The following VWA8 variants were observed in gnomAD, a reference collection of about 807,000 sequenced individuals.
VWA8 encodes the protein von Willebrand factor A domain containing 8.
VWA8 carries 221 observed loss-of-function variants against 241.5 expected under a neutral mutation model. The observed-to-expected ratio is 0.91, with a 90% confidence interval of 0.82 to 1.02. The LOEUF (loss-of-function observed/expected upper bound fraction) is 1.02, where lower values mean the gene tolerates loss of function less well. Among genes scored for constraint, VWA8 ranks in the 50% least tolerant of loss-of-function variants. The pLI is 0.00. For missense variants in VWA8, 2,322 were observed against 2,328.7 expected (o/e 1.00, Z 0.06); for synonymous variants, 852 against 827.1 (o/e 1.03, Z -0.52).
At chr13:41,710,043 A>G (rs1366029323) in intron 26 of VWA8, among the ~76,000 whole-genome samples, 1 of 152,004 alleles carries the variant, frequency 6.6e-6, no homozygotes, top group Non-Finnish European at 1.5e-5. Flanking sequence ...CATACTCCCT[A>G]TATGTTGTTT....
chr13:41,679,519 A>T (rs1487078585), intron 35 of VWA8, among the ~76,000 whole-genome samples: 1 of 152,186 alleles, frequency 6.6e-6, no homozygotes, highest in East Asian at 1.9e-4. Flanking sequence ...ATCAAGAATC[A>T]TTATTTTGTG....
intron 14 of VWA8, 104 bp from the exon 15 acceptor site, chr13:41,819,490 T>A: frequency 1.7e-6 from 2 of 1,170,058 alleles, no homozygotes; most frequent in Non-Finnish European, 2.4e-6. Context: ...ATACTGTTAA[T>A]AATGTCAATG....
At chr13:41,725,535 T>C (rs1424621868) in intron 24 of VWA8, among the ~76,000 whole-genome samples, 1 of 152,174 alleles carries the variant, frequency 6.6e-6, no homozygotes, top group African/African-American at 2.4e-5. Flanking sequence ...ATGTGTATAC[T>C]GCAATCACTC....
chr13:41,822,407 C>G (rs1870998698), intron 14 of VWA8, among the ~76,000 whole-genome samples: 1 of 152,102 alleles, frequency 6.6e-6, no homozygotes, highest in East Asian at 1.9e-4. Flanking sequence ...GTACACAGAC[C>G]ATATTTCCCC....
At chr13:41,618,485 C>A (rs909531060) in intron 37 of VWA8, among the ~76,000 whole-genome samples, 4 of 152,136 alleles carry the variant, frequency 2.6e-5, no homozygotes, top group African/African-American at 9.7e-5. Flanking sequence ...TTATTTAGAT[C>A]CCATTTGTCT....
At chr13:41,728,412 T>G (rs1181843721) in intron 23 of VWA8, among the ~76,000 whole-genome samples, 1 of 152,042 alleles carries the variant, frequency 6.6e-6, no homozygotes, top group African/African-American at 2.4e-5. Flanking sequence ...CTGCAAGTGC[T>G]CTTGTTCAAA....
intron 37 of VWA8, among the ~76,000 whole-genome samples, chr13:41,650,242 G>A (rs915346370): frequency 2.6e-5 from 4 of 152,074 alleles, no homozygotes; most frequent in African/African-American, 9.7e-5. Context: ...TCTCATTTGG[G>A]TTTTACAACA....
intron 9 of VWA8, among the ~76,000 whole-genome samples, chr13:41,877,111 G>C (rs780719836): frequency 1.3e-5 from 2 of 151,886 alleles, no homozygotes; most frequent in Non-Finnish European, 2.9e-5. Context: ...AATTCAAAAG[G>C]GTTCTAGTAT....
chr13:41,888,356 G>C (rs7336324), intron 5 of VWA8, among the ~76,000 whole-genome samples: 34,965 of 152,046 alleles, frequency 0.23, 4,066 homozygotes, highest in East Asian at 0.29. Flanking sequence ...TGACAATATA[G>C]AAACTCTTAA....
At chr13:41,723,994 A>C (rs1231015154) in intron 24 of VWA8, among the ~76,000 whole-genome samples, 3 of 152,226 alleles carry the variant, frequency 2.0e-5, no homozygotes, top group Non-Finnish European at 4.4e-5. Flanking sequence ...ATAGTTATTA[A>C]GGTAAGAAAC....
At position 41,653,102 on chromosome 13, in the gene VWA8, C is replaced by T. The variant is rs530799751; in HGVS notation, c.4611+17844G>A. Among the ~76,000 whole-genome samples, 52 of 152,288 alleles carry T rather than the reference C, an allele frequency of 3.4e-4. 1 individual carries two copies. The South Asian group carries it at 0.011, about 31-fold the overall frequency. ...TCACTATAATTACATTATTTTAGGTCCTAGCCATTGCACAGAGCAAAGATT... is the reference window on the plus strand; with the variant it reads ...TCACTATAATTACATTATTTTAGGTTCTAGCCATTGCACAGAGCAAAGATT... On this transcript the variant is annotated intron_variant, in intron 37 of 44. Coordinates refer to ENST00000379310, the MANE Select transcript of VWA8 (RefSeq NM_015058.2).
intron 37 of VWA8, among the ~76,000 whole-genome samples, chr13:41,618,421 G>A (rs1429692229): frequency 6.6e-6 from 1 of 152,178 alleles, no homozygotes; most frequent in African/African-American, 2.4e-5. Flanking sequence ...CCATTCTGTA[G>A]GTTGCCTGTT....
chr13:41,580,755 G>GTTTTTTGCACTT (rs2044377093), intron 42 of VWA8, among the ~76,000 whole-genome samples: 1 of 152,236 alleles, frequency 6.6e-6, no homozygotes, highest in Non-Finnish European at 1.5e-5. Flanking sequence ...GCTTTGCACT[G>GTTTTTTGCACTT]TAACGGTGTG....
rs115319251 is a variant in VWA8, at chr13:41,804,469, C to T, written c.2063+6756G>A. On this transcript the variant is annotated intron_variant, in intron 17 of 44. Transcript: ENST00000379310. ...ACTTTCCCAGACAAACAAAAGTGGA[C>T]GGATTTAATAAATGTCACACTTGTC... Among the ~76,000 whole-genome samples the T allele has an allele frequency of 3.8e-3, 570 of 149,580 alleles. 2 individuals are homozygous for T. The highest frequency in any genetic ancestry group is 0.013 in the African/African-American group (521 of 40,586).
At chr13:41,720,273 G>A (rs747261477) in intron 25 of VWA8, among the ~76,000 whole-genome samples, 19 of 152,114 alleles carry the variant, frequency 1.2e-4, no homozygotes, top group Non-Finnish European at 2.4e-4. Flanking sequence ...AATTTACACT[G>A]CTCATGTCCT....
At chr13:41,622,339 C>T (rs531861714) in intron 37 of VWA8, among the ~76,000 whole-genome samples, 119 of 152,216 alleles carry the variant, frequency 7.8e-4, no homozygotes, top group African/African-American at 2.8e-3. Flanking sequence ...AGCCAGTAGC[C>T]ATTCAGAAAG....
chr13:41,960,705 G>A (rs945668847), intron 1 of VWA8, 148 bp downstream of exon 1: 64 of 1,183,844 alleles, frequency 5.4e-5, no homozygotes, highest in Non-Finnish European at 6.7e-5. Context: ...CGCCGAGGTC[G>A]GGACTAGAAC....
At chr13:41,945,299 A>T (rs1166090885) in intron 2 of VWA8, among the ~76,000 whole-genome samples, 5 of 152,114 alleles carry the variant, frequency 3.3e-5, no homozygotes, top group Non-Finnish European at 7.4e-5. Flanking sequence ...AAACAGCAAC[A>T]CAAGGAGCAA....
chr13:41,629,082 G>A (rs1202038332), intron 37 of VWA8, among the ~76,000 whole-genome samples: 2 of 151,614 alleles, frequency 1.3e-5, no homozygotes, highest in Admixed American at 6.6e-5. Flanking sequence ...ACAAAAAAAC[G>A]GGGGGACAAC....
Sources: gnomAD v4.1 joint callset for allele counts (sites outside exome capture counted in the v4.1 genomes callset) on GRCh38, gnomAD v4.1.1 for gene constraint, MANE v1.5 for transcripts, NCBI Gene and HGNC (gene_info 2026-07-23, HGNC 2026-07-21) for gene names.